ANKRD13C: variants seen among roughly 807,000 people sequenced by gnomAD.
ANKRD13C encodes ankyrin repeat domain 13C, also known as ankyrin repeat domain-containing protein 13C.
Under a neutral mutation model 65.5 loss-of-function variants are expected in ANKRD13C, and 16 were observed. The ratio of observed to expected loss-of-function variants is 0.24; its 90% confidence interval spans 0.17 to 0.37. The LOEUF is 0.37. Among genes scored for constraint, ANKRD13C ranks in the 10% least tolerant of loss-of-function variants. ANKRD13C has a pLI of 1.00. For synonymous variants in ANKRD13C, 235 were observed against 238.7 expected (o/e 0.98, Z 0.14); for missense variants, 503 against 655.9 (o/e 0.77, Z 2.55).
chr1:70,323,632 G>A (rs994546077), intron 3 of ANKRD13C, among the ~76,000 whole-genome samples: 3 of 151,336 alleles, frequency 2.0e-5, no homozygotes, highest in African/African-American at 4.9e-5. Flanking sequence ...GGGTGACAGG[G>A]CGAGACTCCC....
chr1:70,292,342 C>T, intron 9 of ANKRD13C, 46 bp downstream of exon 9: 2 of 1,412,046 alleles, frequency 1.4e-6, no homozygotes, highest in South Asian at 3.1e-5. Flanking sequence ...AAATCTATCC[C>T]CTCTCTTCTT....
At chr1:70,308,901 A>C (rs560971187) in intron 5 of ANKRD13C, among the ~76,000 whole-genome samples, 1 of 152,182 alleles carries the variant, frequency 6.6e-6, no homozygotes, top group Non-Finnish European at 1.5e-5. Flanking sequence ...CGTAAGTTAA[A>C]CAACCAACCT....
At position 70,276,885 on chromosome 1, in the gene ANKRD13C, A is replaced by G. The variant is rs758253286; in HGVS notation, c.1216-41T>C. On this transcript the variant is annotated intron_variant, in intron 9 of 12. Coordinates refer to ENST00000370944, the MANE Select transcript of ANKRD13C (RefSeq NM_030816.5). The stretch of plus-strand genomic sequence containing the variant: ...AAGAAAGAAAGTGGGGTGGGGGAGA[A>G]AGAAAGATGTTATTTTTTAAATATA... 3.5e-6 allele frequency: 5 copies of G among 1,444,134 alleles called. No homozygotes were observed. In the East Asian group the frequency reaches 1.1e-4, roughly 33 times the overall value. 89.5% of individuals were successfully genotyped at this position (1,444,134 alleles called of 1,614,324 possible). A position where few individuals can be genotyped will look rare whatever the true frequency, so the allele number is the denominator to read the frequency against.
chr1:70,325,968 A>C (rs1037467487), intron 2 of ANKRD13C, among the ~76,000 whole-genome samples: 3 of 152,154 alleles, frequency 2.0e-5, no homozygotes, highest in African/African-American at 7.2e-5. Flanking sequence ...ACAGTGGCTC[A>C]TGCCTGTAAT....
At chr1:70,348,452 A>G (rs1558317837) in intron 1 of ANKRD13C, among the ~76,000 whole-genome samples, 1 of 152,114 alleles carries the variant, frequency 6.6e-6, no homozygotes, top group Non-Finnish European at 1.5e-5. Flanking sequence ...TTTTTAGTAG[A>G]AACGGGGTTT....
At chr1:70,283,117 C>T (rs1331819282) in intron 9 of ANKRD13C, among the ~76,000 whole-genome samples, 1 of 152,022 alleles carries the variant, frequency 6.6e-6, no homozygotes, top group Admixed American at 6.6e-5. Flanking sequence ...CTAAAAATGT[C>T]TTTCTAGTTT....
rs771151607 is a variant in ANKRD13C, at chr1:70,343,520, C to T, written c.431-7421G>A. On this transcript the variant is annotated intron_variant, in intron 1 of 12. Transcript: ENST00000370944. ...ATTGTTTTGTCGAACAAGTGAAAAACATCCAGTAATATTAAGACCACTTTA... is the reference window on the plus strand; with the variant it reads ...ATTGTTTTGTCGAACAAGTGAAAAATATCCAGTAATATTAAGACCACTTTA... Among the ~76,000 whole-genome samples, 136 of 152,142 alleles carry T rather than the reference C, an allele frequency of 8.9e-4. 2 individuals carry two copies. Among genetic ancestry groups the T allele is most frequent in the Non-Finnish European group, 3.7e-4 (25 of 68,022 alleles).
At chr1:70,334,309 G>A (rs1681926363) in intron 2 of ANKRD13C, among the ~76,000 whole-genome samples, 1 of 152,070 alleles carries the variant, frequency 6.6e-6, no homozygotes, top group African/African-American at 2.4e-5. Flanking sequence ...TTGGGCAACG[G>A]AGCAAGACCC....
chr1:70,344,472 A>G (rs1223562479), intron 1 of ANKRD13C, among the ~76,000 whole-genome samples: 1 of 151,976 alleles, frequency 6.6e-6, no homozygotes, highest in East Asian at 1.9e-4. Flanking sequence ...TCAAAAAAAA[A>G]AATGAATAAA....
chr1:70,307,121 T>C (rs904629087), intron 5 of ANKRD13C, among the ~76,000 whole-genome samples: 9 of 152,342 alleles, frequency 5.9e-5, no homozygotes, highest in Non-Finnish European at 1.3e-4. Flanking sequence ...AAATTTAGTG[T>C]TTTTAAAATG....
chr1:70,266,833 A>G (rs1678649510), intron 12 of ANKRD13C, among the ~76,000 whole-genome samples: 1 of 152,112 alleles, frequency 6.6e-6, no homozygotes, highest in Non-Finnish European at 1.5e-5. Flanking sequence ...TTTTATATAT[A>G]TTCAGGTTTG....
intron 5 of ANKRD13C, among the ~76,000 whole-genome samples, chr1:70,312,667 CAAA>C (rs55916932): frequency 8.7e-6 from 1 of 115,094 alleles, no homozygotes. Context: ...ACTCTGTCTC[CAAA>C]AAAAAAAAAA....
At chr1:70,290,279 T>C (rs1679805976) in intron 9 of ANKRD13C, among the ~76,000 whole-genome samples, 2 of 152,302 alleles carry the variant, frequency 1.3e-5, no homozygotes, top group Non-Finnish European at 1.5e-5. Context: ...AAACCTGGCA[T>C]ACTATTCTGG....
At chr1:70,348,283 A>AT (rs34534926) in intron 1 of ANKRD13C, among the ~76,000 whole-genome samples, 4,644 of 146,444 alleles carry the variant, frequency 0.032, 169 homozygotes, top group African/African-American at 0.093. Flanking sequence ...TCAAATGCAC[A>AT]TTTTTTTTTT....
chr1:70,282,324 G>T (rs942825656), intron 9 of ANKRD13C, among the ~76,000 whole-genome samples: 2 of 151,710 alleles, frequency 1.3e-5, no homozygotes, highest in African/African-American at 4.8e-5. Flanking sequence ...CAAAGTGCTG[G>T]GATTACAGAC....
chr1:70,306,702 T>C (rs1680600666), intron 5 of ANKRD13C, among the ~76,000 whole-genome samples: 1 of 152,204 alleles, frequency 6.6e-6, no homozygotes, highest in Non-Finnish European at 1.5e-5. Context: ...ATGTGTATAA[T>C]AGAAAGAGAC....
At chr1:70,289,350 G>T (rs569519897) in intron 9 of ANKRD13C, among the ~76,000 whole-genome samples, 8 of 152,090 alleles carry the variant, frequency 5.3e-5, no homozygotes, top group African/African-American at 1.9e-4. Context: ...GTTGTCTATC[G>T]TAAGTTTAAA....
chr1:70,354,064 C>A lies in ANKRD13C; in HGVS notation c.345G>T (p.Pro115=), dbSNP rs1467752061. 1 of 1,606,376 alleles carries A rather than the reference C, an allele frequency of 6.2e-7. No individual in the cohort carries two copies. The highest frequency in any genetic ancestry group is 1.1e-5 in the South Asian group (1 of 90,148). The part of the protein sequence containing the change: ...ADGGSCPAHY[P]VHECVFKGDV... ...CCCCCTTGAAGACGCACTCGTGCAC[C>A]GGGTAGTGTGCGGGGCAACTGCCTC... The change falls in exon 1 of 13, where the codon CCG becomes CCT. Residue 115 remains proline (P), a synonymous_variant. Coordinates refer to ENST00000370944, the MANE Select transcript of ANKRD13C (RefSeq NM_030816.5).
At chr1:70,291,700 G>A (rs1208885704) in intron 9 of ANKRD13C, among the ~76,000 whole-genome samples, 7 of 152,088 alleles carry the variant, frequency 4.6e-5, no homozygotes, top group African/African-American at 7.2e-5. Context: ...CCAGCTACTC[G>A]GGAGTCTGAG....
Sources: allele counts gnomAD v4.1 joint callset (sites outside exome capture counted in the v4.1 genomes callset), GRCh38; gene constraint gnomAD v4.1.1; transcripts MANE v1.5; gene names NCBI Gene and HGNC (gene_info 2026-07-23, HGNC 2026-07-21).